Variants in PSG11 observed in about 807,000 individuals in gnomAD.
The protein encoded by PSG11 is pregnancy-specific beta-1-glycoprotein 11.
PSG11 carries 42 observed loss-of-function variants against 36.0 expected under a neutral mutation model. The observed-to-expected ratio is 1.17, with a 90% CI of 0.91 to 1.51. The LOEUF is 1.51. PSG11 is among the 40% of genes most tolerant of loss of function. The probability of loss-of-function intolerance (pLI) is 0.00; values close to 1 mark genes in which losing one functional copy is unlikely to be tolerated. For synonymous variants in PSG11, 206 were observed against 153.5 expected (o/e 1.34, Z -2.53); for missense variants, 558 against 403.5 (o/e 1.38, Z -3.28).
In PSG11 at chr19:43,015,796, C is replaced by T. The variant is rs554956129; in HGVS notation, c.710-426G>A. 6.6e-5 allele frequency: 107 copies of T among 1,610,308 alleles called. 2 individuals are homozygous for T. The highest frequency in any genetic ancestry group is 5.8e-4 in the South Asian group (53 of 90,736). On this transcript the variant is annotated intron_variant, in intron 3 of 5. Transcript: ENST00000320078. ...GACATTCAGGGTGACTGAGTCACTGCGGATGCCACCATATCGGTCCCGTAT... is the reference window on the plus strand; with the variant it reads ...GACATTCAGGGTGACTGAGTCACTGTGGATGCCACCATATCGGTCCCGTAT...
chr19:43,021,634 C>T (rs2122823273), intron 2 of PSG11, among the ~76,000 whole-genome samples: 1 of 151,646 alleles, frequency 6.6e-6, no homozygotes, highest in South Asian at 2.1e-4. Flanking sequence ...GCATCAGCCA[C>T]TGTGCCCAGC....
intron 3 of PSG11, among the ~76,000 whole-genome samples, chr19:43,015,574 A>G (rs1599672531): frequency 6.6e-6 from 1 of 151,490 alleles, no homozygotes; most frequent in East Asian, 1.9e-4. Context: ...TCCCATGACA[A>G]GAGCATCCCC....
intron 4 of PSG11, among the ~76,000 whole-genome samples, chr19:43,013,910 A>T (rs192944743): frequency 1.1e-4 from 17 of 151,660 alleles, no homozygotes; most frequent in African/African-American, 4.1e-4. Flanking sequence ...AAGGAGGTGT[A>T]TCTATACATT....
chr19:43,023,339 G>A (rs927613274), intron 2 of PSG11, among the ~76,000 whole-genome samples: 2 of 150,916 alleles, frequency 1.3e-5, no homozygotes, highest in African/African-American at 2.5e-5. Flanking sequence ...GCTCCTGAGT[G>A]TGTGTCTCTC....
At chr19:43,019,109 T>A in intron 2 of PSG11, 61 bp from the exon 3 acceptor site, 2 of 1,577,124 alleles carry the variant, frequency 1.3e-6, no homozygotes, top group South Asian at 2.4e-5. Context: ...CCAAAGGCAT[T>A]TTTCAATCAG....
chr19:43,024,035 T>G (rs180804759), intron 2 of PSG11, among the ~76,000 whole-genome samples: 3 of 151,448 alleles, frequency 2.0e-5, no homozygotes, highest in Admixed American at 6.6e-5. Context: ...TGGACTGTCC[T>G]AAGCCTCCTA....
chr19:43,023,787 A>G (rs116597628), intron 2 of PSG11, among the ~76,000 whole-genome samples: 2,622 of 151,186 alleles, frequency 0.017, 170 homozygotes, highest in African/African-American at 0.06. Flanking sequence ...TTTTCTCTCA[A>G]TCAGATAAGT....
chr19:43,025,554 G>A (rs1375410606), intron 1 of PSG11, among the ~76,000 whole-genome samples: 5 of 151,056 alleles, frequency 3.3e-5, no homozygotes, highest in Non-Finnish European at 7.4e-5. Flanking sequence ...TGAGCTCCGT[G>A]AGGACAGGGA....
Position 43,019,118 on chromosome 19 carries a change from A to G in PSG11, c.431-70T>C. On this transcript the variant is annotated intron_variant, in intron 2 of 5. Transcript: ENST00000320078. The stretch of plus-strand genomic sequence containing the variant: ...ATTCCTCCAAAGGCATTTTTCAATC[A>G]GAATTGGCATTTGCCACCTCTCAGC... The G allele has an allele frequency of 2.5e-6, 4 of 1,570,022 alleles. 1 individual carries two copies. Among genetic ancestry groups the G allele is most frequent in the Middle Eastern group, 1.9e-4 (1 of 5,288 alleles).
chr19:43,010,159 A>G, intron 4 of PSG11, 118 bp from the exon 5 acceptor site: 1 of 1,471,090 alleles, frequency 6.8e-7, no homozygotes, highest in Non-Finnish European at 9.1e-7. Context: ...GGACTACATT[A>G]TTTCTGTTGG....
rs1403946597 is a variant in PSG11 at position 43,025,214 on chromosome 19, A to G, written c.65-158T>C. On this transcript the variant is annotated intron_variant, in intron 1 of 5. Transcript: ENST00000320078. ...AAACATACACACACAGAAAAGGGGC[A>G]TGTGTGTTTGTGTATGTGTATGTGT... The G allele has an allele frequency of 3.8e-5, 50 of 1,304,018 alleles. 3 individuals carry two copies. The Admixed American group carries it at 1.2e-3, about 31-fold the overall frequency. 80.8% of individuals were successfully genotyped at this position (1,304,018 alleles called of 1,614,324 possible). A position where few individuals can be genotyped will look rare whatever the true frequency, so the allele number is the denominator to read the frequency against.
chr19:43,025,629 T>A lies in PSG11; in HGVS notation c.65-573A>T, dbSNP rs970820065. 2.5e-4 allele frequency among the ~76,000 whole-genome samples: 37 copies of A among 148,134 alleles called. 2 individuals are homozygous for A. The highest frequency in any genetic ancestry group is 2.5e-3 in the Admixed American group (37 of 14,902). On this transcript the variant is annotated intron_variant, in intron 1 of 5. Transcript: ENST00000320078. ...CTGCAGACTCCTGTAGATGTGAGAG[T>A]TCTCAGGGCCGTCCACGCCCTGGGT...
In PSG11 at chr19:43,020,607, C is replaced by A. The variant is rs543115335; in HGVS notation, c.431-1559G>T. Reference sequence around the variant, plus strand: ...GTAGTAGTATTTCTCTTGAGACCAACATAAGGTTTAGGTGTGCCATGAATT... The same window carrying A: ...GTAGTAGTATTTCTCTTGAGACCAAAATAAGGTTTAGGTGTGCCATGAATT... On this transcript the variant is annotated intron_variant, in intron 2 of 5. Transcript: ENST00000320078. Among the ~76,000 whole-genome samples the A allele has an allele frequency of 6.3e-4, 96 of 151,492 alleles. 3 individuals are homozygous for A. Among genetic ancestry groups the A allele is most frequent in the Admixed American group, 9.2e-4 (14 of 15,174 alleles).
chr19:43,018,644 G>A (rs531251424), intron 3 of PSG11, 126 bp downstream of exon 3: 3 of 1,591,198 alleles, frequency 1.9e-6, no homozygotes, highest in East Asian at 2.2e-5. Context: ...AGAAAGTCAT[G>A]GCCAGCTTTG....
rs983803791 is a variant in PSG11, at chr19:43,014,532, A to G, written c.964+584T>C. Reference sequence around the variant, plus strand: ...GAGGCTTGGCTTGAACTGGCAGCTCAATTTAGCCAAATTCAGGACAGGCCA... The same window carrying G: ...GAGGCTTGGCTTGAACTGGCAGCTCGATTTAGCCAAATTCAGGACAGGCCA... On this transcript the variant is annotated intron_variant, in intron 4 of 5. Transcript: ENST00000320078. 2.3e-5 allele frequency: 23 copies of G among 982,462 alleles called. 1 individual carries two copies. The highest frequency in any genetic ancestry group is 1.1e-4 in the African/African-American group (6 of 56,556). 60.9% of individuals were successfully genotyped at this position (982,462 alleles called of 1,614,324 possible). A position where few individuals can be genotyped will look rare whatever the true frequency, so the allele number is the denominator to read the frequency against.
chr19:43,008,416 G>A (rs1331268529), intron 5 of PSG11, among the ~76,000 whole-genome samples: 20 of 150,922 alleles, frequency 1.3e-4, no homozygotes, highest in Admixed American at 6.6e-5. Flanking sequence ...GGGACTACAG[G>A]TGCCTGCCAC....
chr19:43,025,207 A>G, intron 1 of PSG11, 151 bp from the exon 2 acceptor site: 3 of 1,322,452 alleles, frequency 2.3e-6, no homozygotes, highest in East Asian at 2.4e-5. Flanking sequence ...ACACACAGAA[A>G]AGGGGCATGT....
In PSG11 at chr19:43,015,037, A is replaced by T. The variant is rs1599671601; in HGVS notation, c.964+79T>A. On this transcript the variant is annotated intron_variant, in intron 4 of 5. Coordinates refer to ENST00000320078, the MANE Select transcript of PSG11 (RefSeq NM_002785.3). The stretch of plus-strand genomic sequence containing the variant: ...CATGGGACACAGGCTGGGAATAAAA[A>T]TGTTTTCCTGACTCTTCTCTGAAAG... 4.4e-6 allele frequency: 7 copies of T among 1,608,100 alleles called. No individual in the cohort carries two copies. The East Asian group carries it at 1.6e-4, about 36-fold the overall frequency.
At chr19:43,010,916 GA>G (rs1974061055) in intron 4 of PSG11, among the ~76,000 whole-genome samples, 1 of 140,838 alleles carries the variant, frequency 7.1e-6, no homozygotes, top group Non-Finnish European at 1.5e-5. Flanking sequence ...TATATATATG[GA>G]AAAAGGAAGG....
Sources: gnomAD v4.1 joint callset for allele counts (sites outside exome capture counted in the v4.1 genomes callset) on GRCh38, gnomAD v4.1.1 for gene constraint, MANE v1.5 for transcripts, NCBI Gene and HGNC (gene_info 2026-07-23, HGNC 2026-07-21) for gene names.